The following CCDC91 variants were observed in gnomAD, a reference collection of about 807,000 sequenced individuals.
CCDC91 encodes the protein coiled-coil domain containing 91, also known as coiled-coil domain-containing protein 91.
CCDC91 carries 48 observed loss-of-function variants against 63.2 expected under a neutral mutation model. That is an observed-to-expected ratio of 0.76 (90% CI 0.60 to 0.97). The LOEUF (loss-of-function observed/expected upper bound fraction) is 0.97. CCDC91 is among the 50% of genes least tolerant of loss of function. CCDC91 has a pLI of 0.00. For missense variants in CCDC91, 500 were observed against 494.6 expected (o/e 1.01, Z -0.10); for synonymous variants, 167 against 165.8 (o/e 1.01, Z -0.06).
At chr12:28,372,900 C>A (rs975020537) in intron 7 of CCDC91, among the ~76,000 whole-genome samples, 2 of 152,062 alleles carry the variant, frequency 1.3e-5, no homozygotes. Context: ...GCATCCTTGT[C>A]TTGTTTCAGG....
chr12:28,265,425 G>T (rs1947120437), intron 3 of CCDC91, among the ~76,000 whole-genome samples: 1 of 152,006 alleles, frequency 6.6e-6, no homozygotes. Flanking sequence ...GTTAGATGTG[G>T]TTCACTTTGC....
intron 6 of CCDC91, among the ~76,000 whole-genome samples, chr12:28,323,929 C>T (rs1351583512): frequency 1.3e-5 from 2 of 151,818 alleles, no homozygotes; most frequent in Admixed American, 6.6e-5. Flanking sequence ...ATTTTTGTAG[C>T]TGAATCTGAA....
chr12:28,466,901 C>A lies in CCDC91; in HGVS notation c.1101+14247C>A, dbSNP rs377451476. ...ATGAACCAATCAAAAATAATGACTA[C>A]AAGAAGTTTTCAAGACAATACAGTA... On this transcript the variant is annotated intron_variant, in intron 11 of 12. Coordinates refer to ENST00000536442, the MANE Select transcript of CCDC91 (RefSeq NM_018318.5). Among the ~76,000 whole-genome samples the A allele has an allele frequency of 2.6e-5, 4 of 152,148 alleles. No individual in the cohort carries two copies. In the South Asian group the frequency reaches 6.2e-4, roughly 24 times the overall value.
chr12:28,442,381 G>A (rs1339368055), intron 8 of CCDC91, among the ~76,000 whole-genome samples: 1 of 152,082 alleles, frequency 6.6e-6, no homozygotes, highest in Non-Finnish European at 1.5e-5. Flanking sequence ...CAGAGTTTTT[G>A]AGTCCTTGTT....
chr12:28,202,105 T>C (rs1185921228), intron 1 of CCDC91, among the ~76,000 whole-genome samples: 3 of 149,244 alleles, frequency 2.0e-5, no homozygotes, highest in Non-Finnish European at 4.5e-5. Flanking sequence ...TTTGTTTCTT[T>C]ATTTTGTAAT....
intron 12 of CCDC91, among the ~76,000 whole-genome samples, chr12:28,500,651 A>C (rs1937705629): frequency 6.6e-6 from 1 of 151,792 alleles, no homozygotes; most frequent in Non-Finnish European, 1.5e-5. Context: ...TTTGAGTCTA[A>C]TGAAAATTTA....
chr12:28,500,027 G>A (rs1952544752), intron 12 of CCDC91, among the ~76,000 whole-genome samples: 1 of 152,002 alleles, frequency 6.6e-6, no homozygotes, highest in Non-Finnish European at 1.5e-5. Flanking sequence ...ACTTTTTAAT[G>A]ATCGCCATTC....
chr12:28,394,238 G>C lies in CCDC91; in HGVS notation c.762+2827G>C, dbSNP rs148493125. ...TCCCAGCACTTTGGGAGGCCACGGC[G>C]GGCCGATCACAAGGTCAGAAGATTG... On this transcript the variant is annotated intron_variant, in intron 8 of 12. Transcript: ENST00000536442. Among the ~76,000 whole-genome samples the C allele has an allele frequency of 6.3e-3, 958 of 152,208 alleles. 15 individuals carry two copies. The highest frequency in any genetic ancestry group is 0.021 in the African/African-American group (887 of 41,514).
chr12:28,206,297 C>T (rs1942847825), intron 1 of CCDC91, among the ~76,000 whole-genome samples: 1 of 152,136 alleles, frequency 6.6e-6, no homozygotes, highest in Non-Finnish European at 1.5e-5. Flanking sequence ...GGCCTTAGCA[C>T]CACTCTCTGT....
chr12:28,402,800 T>C (rs1368174273), intron 8 of CCDC91, among the ~76,000 whole-genome samples: 2 of 152,260 alleles, frequency 1.3e-5, no homozygotes, highest in Non-Finnish European at 2.9e-5. Context: ...TTATTCTTTA[T>C]CAAGTTGAGG....
intron 6 of CCDC91, among the ~76,000 whole-genome samples, chr12:28,334,608 C>T: frequency 6.6e-6 from 1 of 152,148 alleles, no homozygotes. Flanking sequence ...TCTCCTTGCA[C>T]ATAAATTCTG....
At chr12:28,197,567 T>G (rs536903964) in intron 1 of CCDC91, among the ~76,000 whole-genome samples, 1 of 152,126 alleles carries the variant, frequency 6.6e-6, no homozygotes, top group African/African-American at 2.4e-5. Flanking sequence ...CAAACTTACC[T>G]AAGGTTGTAT....
chr12:28,219,535 G>A (rs576528513), intron 1 of CCDC91, among the ~76,000 whole-genome samples: 5 of 140,700 alleles, frequency 3.6e-5, no homozygotes, highest in African/African-American at 1.4e-4. Flanking sequence ...GCAGTGGCAT[G>A]ATCTGGGCTC....
chr12:28,295,148 C>T (rs1592230621), intron 3 of CCDC91, among the ~76,000 whole-genome samples: 1 of 151,968 alleles, frequency 6.6e-6, no homozygotes. Context: ...AGCAGTTGGA[C>T]CTCCATTTGC....
At chr12:28,333,439 T>TC (rs1941675313) in intron 6 of CCDC91, among the ~76,000 whole-genome samples, 1 of 151,926 alleles carries the variant, frequency 6.6e-6, no homozygotes, top group African/African-American at 2.4e-5. Context: ...AAATTTTTTT[T>TC]CCCACTTTGT....
intron 1 of CCDC91, among the ~76,000 whole-genome samples, chr12:28,219,908 G>A (rs1423458354): frequency 6.6e-6 from 1 of 152,136 alleles, no homozygotes; most frequent in Non-Finnish European, 1.5e-5. Flanking sequence ...TGTATAATAT[G>A]AATATAGACA....
At chr12:28,237,369 A>G (rs1320710548) in intron 1 of CCDC91, among the ~76,000 whole-genome samples, 1 of 152,046 alleles carries the variant, frequency 6.6e-6, no homozygotes, top group African/African-American at 2.4e-5. Flanking sequence ...TTTTGAAGAT[A>G]TGGTTAAGTT....
intron 12 of CCDC91, among the ~76,000 whole-genome samples, chr12:28,528,519 AG>A (rs1464065638): frequency 6.6e-6 from 1 of 152,072 alleles, no homozygotes; most frequent in African/African-American, 2.4e-5. Flanking sequence ...CTTCCTTCAG[AG>A]GGTCTGTGGG....
chr12:28,439,966 T>C (rs1285832715), intron 8 of CCDC91, among the ~76,000 whole-genome samples: 1 of 151,284 alleles, frequency 6.6e-6, no homozygotes, highest in Non-Finnish European at 1.5e-5. Context: ...TTTCTTCAAT[T>C]TGCTAAAAAA....
Sources: gnomAD v4.1 joint callset for allele counts (sites outside exome capture counted in the v4.1 genomes callset) on GRCh38, gnomAD v4.1.1 for gene constraint, MANE v1.5 for transcripts, NCBI Gene and HGNC (gene_info 2026-07-23, HGNC 2026-07-21) for gene names.